Variants in PLCB4 observed in about 807,000 individuals in gnomAD.
The protein encoded by PLCB4 is phospholipase C beta 4, also known as 1-phosphatidylinositol 4,5-bisphosphate phosphodiesterase beta-4.
In PLCB4, 77 loss-of-function variants were observed where a neutral mutation model predicts 178.8. That is an observed-to-expected ratio of 0.43 (90% CI 0.36 to 0.52). The LOEUF (loss-of-function observed/expected upper bound fraction) is 0.52, where lower values mean the gene tolerates loss of function less well. Among genes scored for constraint, PLCB4 ranks in the 20% least tolerant of loss-of-function variants. The pLI, the probability that PLCB4 is intolerant of heterozygous loss-of-function variation, is 0.00. For missense variants in PLCB4, 1,024 were observed against 1,453.4 expected, an observed-to-expected ratio of 0.70 and a Z score of 4.80; for synonymous variants, 496 against 490.8, an observed-to-expected ratio of 1.01 and a Z score of -0.14.
intron 7 of PLCB4, among the ~76,000 whole-genome samples, chr20:9,348,509 A>C (rs897182001): frequency 6.6e-6 from 1 of 152,054 alleles, no homozygotes; most frequent in African/African-American, 2.4e-5. Flanking sequence ...ATGACCTGCT[A>C]TGGGTGATGC....
chr20:9,362,620 G>A (rs1602110941), intron 7 of PLCB4, among the ~76,000 whole-genome samples: 1 of 152,180 alleles, frequency 6.6e-6, no homozygotes, highest in Non-Finnish European at 1.5e-5. Context: ...CAAATAGAAA[G>A]CTTCACAAGT....
chr20:9,356,288 T>C (rs1205926261), intron 7 of PLCB4, among the ~76,000 whole-genome samples: 3 of 152,216 alleles, frequency 2.0e-5, no homozygotes, highest in Non-Finnish European at 2.9e-5. Flanking sequence ...GCAGAAGCTC[T>C]TTAGTTTAAT....
chr20:9,199,100 T>C (rs1243799818), intron 2 of PLCB4, among the ~76,000 whole-genome samples: 2 of 152,160 alleles, frequency 1.3e-5, no homozygotes, highest in Non-Finnish European at 2.9e-5. Flanking sequence ...GGGGACTCTA[T>C]TAGTAAGTGT....
At chr20:9,202,165 T>G (rs1356653229) in intron 2 of PLCB4, among the ~76,000 whole-genome samples, 1 of 152,180 alleles carries the variant, frequency 6.6e-6, no homozygotes, top group Non-Finnish European at 1.5e-5. Flanking sequence ...TATGATTCCA[T>G]GCAGTAAAGG....
chr20:9,376,398 C>T (rs1409352057), intron 12 of PLCB4, among the ~76,000 whole-genome samples: 1 of 152,178 alleles, frequency 6.6e-6, no homozygotes, highest in African/African-American at 2.4e-5. Flanking sequence ...GCGACATATA[C>T]CTTCTGTTAT....
chr20:9,265,836 C>T (rs886753836), intron 3 of PLCB4, among the ~76,000 whole-genome samples: 4 of 152,174 alleles, frequency 2.6e-5, no homozygotes, highest in African/African-American at 7.2e-5. Context: ...CCTGGGCAAG[C>T]GGCAGCATGG....
chr20:9,309,101 T>C lies in PLCB4; in HGVS notation c.84+1203T>C, dbSNP rs146796900. Among the ~76,000 whole-genome samples the C allele has an allele frequency of 2.5e-3, 383 of 152,284 alleles. 3 individuals carry two copies. The highest frequency in any genetic ancestry group is 9.0e-3 in the African/African-American group (374 of 41,572). On this transcript the variant is annotated intron_variant, in intron 4 of 39. Coordinates refer to ENST00000378473, the MANE Select transcript of PLCB4 (RefSeq NM_001377142.1). ...CCATTTCTCCTGTGTTTAAAATGCT[T>C]CCATCACTTCCCATTGTAGCGTAAA...
intron 32 of PLCB4, among the ~76,000 whole-genome samples, chr20:9,452,386 G>T (rs145833467): frequency 7.2e-5 from 11 of 152,308 alleles, no homozygotes; most frequent in Non-Finnish European, 1.6e-4. Flanking sequence ...ATGACGGTGA[G>T]AGGGGTTATA....
At chr20:9,473,214 T>TCATC (rs1328263392) in intron 37 of PLCB4, 65 bp from the exon 38 acceptor site, 1 of 946,822 alleles carries the variant, frequency 1.1e-6, no homozygotes, top group Non-Finnish European at 1.6e-6. Context: ...AAGTCATCTC[T>TCATC]CATCCCTGTT....
At chr20:9,299,906 G>A (rs562947735) in intron 3 of PLCB4, among the ~76,000 whole-genome samples, 39 of 151,862 alleles carry the variant, frequency 2.6e-4, no homozygotes, top group Non-Finnish European at 4.9e-4. Context: ...TCCATCAACA[G>A]CATTGCATAT....
intron 7 of PLCB4, among the ~76,000 whole-genome samples, chr20:9,356,339 A>G (rs1304299904): frequency 6.6e-6 from 1 of 152,182 alleles, no homozygotes; most frequent in Admixed American, 6.5e-5. Flanking sequence ...TTATAGACTC[A>G]TAAGAGGAAA....
chr20:9,373,175 C>T, intron 12 of PLCB4, 71 bp downstream of exon 12: 1 of 717,642 alleles, frequency 1.4e-6, no homozygotes. Context: ...GTCCTCATTG[C>T]ATGCCTGCAT....
chr20:9,429,960 G>T (rs181575902), intron 28 of PLCB4, among the ~76,000 whole-genome samples: 99 of 152,196 alleles, frequency 6.5e-4, no homozygotes, highest in Admixed American at 2.5e-3. Flanking sequence ...CTAGAAAGGG[G>T]TATCCAATCT....
intron 7 of PLCB4, among the ~76,000 whole-genome samples, chr20:9,341,058 A>C (rs1321399336): frequency 6.6e-6 from 1 of 152,102 alleles, no homozygotes; most frequent in Admixed American, 6.6e-5. Context: ...CCAACCTAAA[A>C]CCAGGTCTTC....
chr20:9,255,916 G>A (rs369283002), intron 3 of PLCB4, among the ~76,000 whole-genome samples: 16 of 151,616 alleles, frequency 1.1e-4, no homozygotes, highest in African/African-American at 3.7e-4. Context: ...CAGATCTGTT[G>A]GGACTATTGC....
chr20:9,468,826 T>C (rs1362584159), intron 36 of PLCB4, among the ~76,000 whole-genome samples, 154 bp downstream of exon 36: 1 of 152,238 alleles, frequency 6.6e-6, no homozygotes, highest in African/African-American at 2.4e-5. Context: ...AATGGAGATT[T>C]GTTATTATCA....
chr20:9,107,111 C>T (rs1396376139), intron 2 of PLCB4, among the ~76,000 whole-genome samples: 1 of 152,096 alleles, frequency 6.6e-6, no homozygotes, highest in African/African-American at 2.4e-5. Flanking sequence ...CCTGTCCCTT[C>T]GATTAGTTGT....
rs1322136449 is a variant in PLCB4 at position 9,171,200 on chromosome 20, T to C, written c.-78-46190T>C. Among the ~76,000 whole-genome samples the C allele has an allele frequency of 9.2e-5, 14 of 152,314 alleles. 1 individual carries two copies. The East Asian group carries it at 2.7e-3, about 29-fold the overall frequency. On this transcript the variant is annotated intron_variant, in intron 2 of 39. Coordinates refer to ENST00000378473, the MANE Select transcript of PLCB4 (RefSeq NM_001377142.1). ...TATTTTCTGTAAGAAATCCACATTGTATAACTTGGAGTTACCTATCATATG... is the reference window on the plus strand; with the variant it reads ...TATTTTCTGTAAGAAATCCACATTGCATAACTTGGAGTTACCTATCATATG...
chr20:9,244,793 G>A (rs1601405578), intron 3 of PLCB4, among the ~76,000 whole-genome samples: 1 of 152,166 alleles, frequency 6.6e-6, no homozygotes, highest in Admixed American at 6.5e-5. Context: ...CTTGAATTCT[G>A]ATAGTAAATA....
Sources: allele counts gnomAD v4.1 joint callset (sites outside exome capture counted in the v4.1 genomes callset), GRCh38; gene constraint gnomAD v4.1.1; transcripts MANE v1.5; gene names NCBI Gene and HGNC (gene_info 2026-07-23, HGNC 2026-07-21).